PBX1: variants seen among roughly 807,000 people sequenced by gnomAD.
PBX1 encodes the protein PBX homeobox 1.
Under a neutral mutation model 53.4 loss-of-function variants are expected in PBX1, and 6 were observed. The ratio of observed to expected loss-of-function variants is 0.11; its 90% CI spans 0.06 to 0.22. PBX1 has a LOEUF of 0.22. Ranked by LOEUF, PBX1 falls within the 10% of genes least tolerant of loss-of-function variation. The pLI is 1.00. For missense variants in PBX1, 251 were observed against 551.4 expected, an observed-to-expected ratio of 0.46 and a Z score of 5.46; for synonymous variants, 204 against 212.3, an observed-to-expected ratio of 0.96 and a Z score of 0.34.
chr1:164,794,235 G>A (rs1452157615), intron 3 of PBX1, among the ~76,000 whole-genome samples: 1 of 152,160 alleles, frequency 6.6e-6, no homozygotes, highest in African/African-American at 2.4e-5. Flanking sequence ...AAGACCTTGT[G>A]CAGTCCACTT....
At chr1:164,633,959 A>G (rs557203060) in intron 2 of PBX1, among the ~76,000 whole-genome samples, 60 of 152,300 alleles carry the variant, frequency 3.9e-4, no homozygotes, top group Non-Finnish European at 3.4e-4. Flanking sequence ...AGGTTATGTA[A>G]TTTAATCTTC....
At chr1:164,571,594 C>T (rs182112137) in intron 2 of PBX1, among the ~76,000 whole-genome samples, 1 of 71,178 alleles carries the variant, frequency 1.4e-5, no homozygotes, top group Non-Finnish European at 2.3e-5. Flanking sequence ...TATTCAGTTG[C>T]TACAGTAACT....
At chr1:164,599,018 C>T (rs557625531) in intron 2 of PBX1, among the ~76,000 whole-genome samples, 1 of 151,712 alleles carries the variant, frequency 6.6e-6, no homozygotes, top group African/African-American at 2.4e-5. Flanking sequence ...TGCTGATAGA[C>T]ATCACGGTGT....
intron 2 of PBX1, among the ~76,000 whole-genome samples, chr1:164,674,975 T>A (rs1270777754): frequency 1.3e-5 from 2 of 151,768 alleles, no homozygotes; most frequent in African/African-American, 4.8e-5. Context: ...AATACTTTCA[T>A]TGATACTGCT....
intron 2 of PBX1, chr1:164,684,867 TC>T (rs1233661194): frequency 6.6e-6 from 1 of 152,218 alleles, no homozygotes; most frequent in African/African-American, 2.4e-5. Context: ...TGCACTCATT[TC>T]CATAATACTG....
intron 2 of PBX1, among the ~76,000 whole-genome samples, chr1:164,597,230 T>C (rs1655830181): frequency 6.6e-6 from 1 of 152,250 alleles, no homozygotes; most frequent in South Asian, 2.1e-4. Context: ...TACAACCAGT[T>C]ACCTCACTTC....
In PBX1 at chr1:164,846,600, A is replaced by G. The variant is rs1671579377; in HGVS notation, c.1217A>G (p.Gln406Arg). The change falls in exon 9 of 9, where the codon CAG becomes CGG. Residue 406 changes from glutamine to arginine, a missense_variant. Gln to Arg is a conservative substitution (Grantham distance 43). This residue lies in a region of PBX1 where 92 missense variants were observed against 130.4 expected (regional missense o/e 0.71). Coordinates refer to ENST00000420696, the MANE Select transcript of PBX1 (RefSeq NM_002585.4). ...PQGISANGGW[Q>R]DATTPSSVTS... The stretch of plus-strand genomic sequence containing the variant: ...CCCTTCTAGGCTAATGGAGGTTGGC[A>G]GGATGCTACTACCCCTTCATCAGTG... The G allele has an allele frequency of 6.2e-7, 1 of 1,613,952 alleles. No homozygotes were observed. The highest frequency in any genetic ancestry group is 1.7e-5 in the Admixed American group (1 of 60,000).
chr1:164,712,712 G>A (rs185914124), intron 2 of PBX1, among the ~76,000 whole-genome samples: 80 of 152,256 alleles, frequency 5.3e-4, no homozygotes, highest in African/African-American at 1.8e-3. Context: ...GGGAAAACAC[G>A]TGCAGGTCTT....
intron 2 of PBX1, chr1:164,576,732 C>T (rs910872909): frequency 6.6e-6 from 1 of 152,314 alleles, no homozygotes; most frequent in African/African-American, 2.4e-5. Context: ...CGCCGCCCCC[C>T]AGGGGGAAGA....
chr1:164,574,811 G>A (rs778250981), intron 2 of PBX1, among the ~76,000 whole-genome samples: 14 of 152,112 alleles, frequency 9.2e-5, no homozygotes, highest in Admixed American at 2.6e-4. Flanking sequence ...GCGAAATGCC[G>A]TCTCTACTAA....
At chr1:164,651,654 G>A (rs1435212266) in intron 2 of PBX1, among the ~76,000 whole-genome samples, 5 of 152,102 alleles carry the variant, frequency 3.3e-5, no homozygotes, top group African/African-American at 9.7e-5. Flanking sequence ...AGTTGAAGGT[G>A]GGGGGAGAAG....
intron 2 of PBX1, among the ~76,000 whole-genome samples, chr1:164,631,825 A>C (rs936061217): frequency 1.3e-5 from 2 of 152,236 alleles, no homozygotes; most frequent in African/African-American, 4.8e-5. Context: ...GATTTGGGCC[A>C]TATTCGACTA....
chr1:164,717,535 C>T (rs890364107), intron 2 of PBX1, among the ~76,000 whole-genome samples: 3 of 152,172 alleles, frequency 2.0e-5, no homozygotes, highest in Admixed American at 6.5e-5. Flanking sequence ...CCAGCAGCAA[C>T]TGGGACTTCT....
rs192214963 is a variant in PBX1 at position 164,830,821 on chromosome 1, A to G, written c.1200+9195A>G. Among the ~76,000 whole-genome samples, 273 of 152,178 alleles carry G rather than the reference A, an allele frequency of 1.8e-3. 4 individuals carry two copies. Among genetic ancestry groups the G allele is most frequent in the Non-Finnish European group, 3.1e-3 (210 of 67,996 alleles). ...TCCAAGTGTAGTCTGCAGATCAACA[A>G]CATTACCTGGGAGCTTGTGAGCCAT... On this transcript the variant is annotated intron_variant, in intron 8 of 8. Coordinates refer to ENST00000420696, the MANE Select transcript of PBX1 (RefSeq NM_002585.4).
At chr1:164,631,746 G>A (rs17386700) in intron 2 of PBX1, among the ~76,000 whole-genome samples, 3,585 of 152,346 alleles carry the variant, frequency 0.024, 59 homozygotes, top group Non-Finnish European at 0.036. Flanking sequence ...ATGTGCATAT[G>A]AAATCCGTAA....
rs371768861 is a variant in PBX1 at position 164,588,473 on chromosome 1, CTTTTTTTTTT to C, written c.265+25180_265+25189del. On this transcript the variant is annotated intron_variant, in intron 2 of 8. Transcript: ENST00000420696. ...AAAGAGAAATACACTCCGGACTAAG[CTTTTTTTTTT>C]TTTTTTTTTTTTTTTTTAGTTTCGA... 2.7e-4 allele frequency among the ~76,000 whole-genome samples: 20 copies of C among 73,084 alleles called. 1 individual carries two copies. In the East Asian group the frequency reaches 4.6e-3, roughly 17 times the overall value. 47.9% of individuals were successfully genotyped at this position (73,084 alleles called of 152,430 possible).
chr1:164,671,690 G>T (rs1661122715), intron 2 of PBX1, among the ~76,000 whole-genome samples: 1 of 152,090 alleles, frequency 6.6e-6, no homozygotes, highest in Admixed American at 6.6e-5. Context: ...TTTTTTCTGG[G>T]GGGCAGGGAG....
intron 4 of PBX1, among the ~76,000 whole-genome samples, chr1:164,805,212 G>A (rs925976758): frequency 2.6e-5 from 4 of 152,116 alleles, no homozygotes; most frequent in African/African-American, 9.7e-5. Context: ...GCTACTGATT[G>A]GTTTGAAATC....
At chr1:164,603,526 T>TA (rs1188596717) in intron 2 of PBX1, among the ~76,000 whole-genome samples, 1 of 152,220 alleles carries the variant, frequency 6.6e-6, no homozygotes, top group African/African-American at 2.4e-5. Context: ...CACAGATACA[T>TA]ATACAAATAA....
Sources: gnomAD v4.1 joint callset for allele counts (sites outside exome capture counted in the v4.1 genomes callset) on GRCh38, gnomAD v4.1.1 for gene constraint, gnomAD v4.1.1 regional missense constraint, MANE v1.5 for transcripts, NCBI Gene and HGNC (gene_info 2026-07-23, HGNC 2026-07-21) for gene names.